ZNF347: variants seen among roughly 807,000 people sequenced by gnomAD.
ZNF347 encodes CTD-2620I22.7.
In ZNF347, 19 loss-of-function variants were observed where a neutral mutation model predicts 12.9. The ratio of observed to expected loss-of-function variants is 1.47; its 90% CI spans 1.03 to 2.16. ZNF347 has a LOEUF of 2.16. Ranked by LOEUF, ZNF347 falls within the 30% of genes most tolerant of loss-of-function variation. ZNF347 has a pLI of 0.00. For synonymous variants in ZNF347, 328 were observed against 340.6 expected (o/e 0.96, Z 0.41); for missense variants, 1,005 against 990.6 (o/e 1.01, Z -0.19).
In ZNF347 at chr19:53,148,820, A is replaced by C; in HGVS notation, c.143-11T>G. The stretch of plus-strand genomic sequence containing the variant: ...CAAAACAAGAGATTCCTGCTTATGA[A>C]AAGAAAGGAAAACAATGGGCTGTAG... On this transcript the variant is annotated splice_polypyrimidine_tract_variant and intron_variant, in intron 3 of 4. Coordinates refer to ENST00000334197, the MANE Select transcript of ZNF347 (RefSeq NM_032584.3). The C allele has an allele frequency of 1.2e-6, 2 of 1,612,128 alleles. No individual in the cohort carries two copies. The highest frequency in any genetic ancestry group is 8.5e-7 in the Non-Finnish European group (1 of 1,179,100).
rs1308777740 is a variant in ZNF347 at position 53,139,086 on chromosome 19, C to G, written c.*1222G>C. ...TGGCAACCATTTCCCCTGCACTATT[C>G]CCATCACATAATCAGTCACTAATAA... On this transcript the variant is annotated 3_prime_UTR_variant, in exon 5 of 5. Coordinates refer to ENST00000334197, the MANE Select transcript of ZNF347 (RefSeq NM_032584.3). The G allele has an allele frequency of 1.3e-5, 2 of 152,138 alleles. No individual in the cohort carries two copies. Among genetic ancestry groups the G allele is most frequent in the Non-Finnish European group, 2.9e-5 (2 of 68,018 alleles). The allele number at this position is 152,138 out of a possible 1,614,324, so 9.4% of individuals were successfully genotyped here.
At chr19:53,149,397 A>C (rs1165467902) in intron 2 of ZNF347, 30 bp from the exon 3 acceptor site, 1 of 1,612,370 alleles carries the variant, frequency 6.2e-7, no homozygotes, top group South Asian at 1.1e-5. Flanking sequence ...CACCAGGGGG[A>C]TATAAGGAAA....
At chr19:53,152,092 C>CAAAAAAAAAAAAAAAAA (rs1186310928) in intron 2 of ZNF347, among the ~76,000 whole-genome samples, 1 of 89,840 alleles carries the variant, frequency 1.1e-5, no homozygotes, top group Non-Finnish European at 2.1e-5. Context: ...GACTCTGTCT[C>CAAAAAAAAAAAAAAAAA]AAAAAAAAAA....
In ZNF347 at chr19:53,141,966, G is replaced by T. The variant is rs150545433; in HGVS notation, c.862C>A (p.Pro288Thr). 2.5e-5 allele frequency: 40 copies of T among 1,614,054 alleles called. No homozygotes were observed. The African/African-American group carries it at 5.1e-4, about 20-fold the overall frequency. Residue 288 changes from proline to threonine, a missense_variant, in exon 5 of 5, where the codon CCT becomes ACT. Transcript: ENST00000334197. ...TTGCCACACTCATAACATTTGTAAGGTTTCTCTTTAGTATGACTTCTCTGA... is the reference window on the plus strand; with the variant it reads ...TTGCCACACTCATAACATTTGTAAGTTTTCTCTTTAGTATGACTTCTCTGA... ...SHQRSHTKEK[P>T]YKCYECGKAF...
At position 53,138,820 on chromosome 19, in the gene ZNF347, GA is replaced by G. The variant is rs201707314; in HGVS notation, c.*1487del. On this transcript the variant is annotated 3_prime_UTR_variant, in exon 5 of 5. Coordinates refer to ENST00000334197, the MANE Select transcript of ZNF347 (RefSeq NM_032584.3). ...TTGTTTATAGTTATAAGAAAACGTT[GA>G]ATTTTTTTTAGCAAAACATTATGTC... is the stretch of plus-strand genomic sequence containing the variant. 6.6e-6 allele frequency: 1 copy of G among 152,088 alleles called. No individual in the cohort carries two copies. Among genetic ancestry groups the G allele is most frequent in the African/African-American group, 2.4e-5 (1 of 41,492 alleles). The allele number at this position is 152,088 out of a possible 1,614,324, so 9.4% of individuals were successfully genotyped here. A position where few individuals can be genotyped will look rare whatever the true frequency, so the allele number is the denominator to read the frequency against.
chr19:53,135,210 T>C lies in ZNF347; in HGVS notation c.*5098A>G, dbSNP rs2146790970. The stretch of plus-strand genomic sequence containing the variant: ...ATGCTGAGATCTGAGATTTGATGGA[T>C]GGTGATGTTGGAAATCTTTTTATGT... On this transcript the variant is annotated 3_prime_UTR_variant, in exon 5 of 5. Transcript: ENST00000334197. The C allele has an allele frequency of 6.6e-6, 1 of 151,708 alleles. No individual in the cohort carries two copies. The highest frequency in any genetic ancestry group is 2.4e-5 in the African/African-American group (1 of 41,312). The allele number at this position is 151,708 out of a possible 1,614,324, so 9.4% of individuals were successfully genotyped here.
intron 1 of ZNF347, among the ~76,000 whole-genome samples, chr19:53,155,691 T>C (rs762214253): frequency 2.0e-5 from 3 of 151,940 alleles, no homozygotes; most frequent in Admixed American, 6.6e-5. Context: ...TGAATTCCCT[T>C]GAAGTTAAAA....
Position 53,142,082 on chromosome 19 carries a change from G to A in ZNF347, c.746C>T (p.Thr249Ile). 1 of 1,612,710 alleles carries A rather than the reference G, an allele frequency of 6.2e-7. No homozygotes were observed. Among genetic ancestry groups the A allele is most frequent in the Non-Finnish European group, 8.5e-7 (1 of 1,179,656 alleles). The change falls in exon 5 of 5, where the codon ACA becomes ATA. Residue 249 changes from threonine to isoleucine, a missense_variant. Thr to Ile is a moderately conservative substitution (Grantham distance 89, BLOSUM62 -1). Transcript: ENST00000334197. ...CCAATTATTTGCTTTTTGCCCCTGT[G>A]TGAGTAATAAAGAAGAGATAAAATC... ...LKDFISSLLL[T>I]QGQKANNWGS...
intron 4 of ZNF347, among the ~76,000 whole-genome samples, chr19:53,147,833 T>A (rs2090473075): frequency 6.6e-6 from 1 of 152,180 alleles, no homozygotes; most frequent in Non-Finnish European, 1.5e-5. Flanking sequence ...GTGGGATCTA[T>A]TCCAGGAATG....
intron 3 of ZNF347, 192 bp downstream of exon 3, chr19:53,149,049 G>T: frequency 8.0e-7 from 1 of 1,248,346 alleles, no homozygotes; most frequent in Non-Finnish European, 1.1e-6. Flanking sequence ...TATTTTAAAA[G>T]TCCTGAAACC....
In ZNF347 at chr19:53,141,445, T is replaced by C. The variant is rs1410716210; in HGVS notation, c.1383A>G (p.Glu461=). The change falls in exon 5 of 5, where the codon GAA becomes GAG. Residue 461 remains glutamate, a synonymous_variant. Coordinates refer to ENST00000334197, the MANE Select transcript of ZNF347 (RefSeq NM_032584.3). The part of the protein sequence containing the change: ...HTGEKPYKCH[E]CGKVFRRNSH... ...AATTACGCCTAAAGACCTTGCCGCA[T>C]TCATGACATTTGTAAGGCTTTTCTC... is the stretch of plus-strand genomic sequence containing the variant. 6.2e-7 allele frequency: 1 copy of C among 1,613,714 alleles called. No individual in the cohort carries two copies. Among genetic ancestry groups the C allele is most frequent in the Non-Finnish European group, 8.5e-7 (1 of 1,179,936 alleles).
At position 53,135,329 on chromosome 19, in the gene ZNF347, T is replaced by C. The variant is rs867098793; in HGVS notation, c.*4979A>G. ...ATATATATATATATATATATATATA[T>C]ATATATATATAGAGAGAGAGAGAGA... On this transcript the variant is annotated 3_prime_UTR_variant, in exon 5 of 5. Coordinates refer to ENST00000334197, the MANE Select transcript of ZNF347 (RefSeq NM_032584.3). The C allele has an allele frequency of 8.4e-5, 4 of 47,558 alleles. No homozygotes were observed. The highest frequency in any genetic ancestry group is 1.7e-4 in the Non-Finnish European group (4 of 23,486). 2.9% of individuals were successfully genotyped at this position (47,558 alleles called of 1,614,324 possible).
At chr19:53,146,116 C>A (rs1272754182) in intron 4 of ZNF347, among the ~76,000 whole-genome samples, 2 of 151,958 alleles carry the variant, frequency 1.3e-5, no homozygotes, top group Admixed American at 1.3e-4. Context: ...GCTGGGATTA[C>A]AGGCATGTGC....
In ZNF347 at chr19:53,153,723, ATTACC is replaced by A; in HGVS notation, c.15+5_15+9del. ...AGAGACAGAACAATCCACTGATAAT[ATTACC>A]TTACCTGGGTGAGAGCCATGCCTGA... On this transcript the variant is annotated splice_donor_5th_base_variant and intron_variant, in intron 2 of 4. Transcript: ENST00000334197. 6.2e-7 allele frequency: 1 copy of A among 1,613,600 alleles called. No homozygotes were observed. Among genetic ancestry groups the A allele is most frequent in the African/African-American group, 1.3e-5 (1 of 75,032 alleles).
intron 4 of ZNF347, 26 bp downstream of exon 4, chr19:53,148,655 T>C: frequency 6.3e-7 from 1 of 1,596,694 alleles, no homozygotes. Context: ...ATAAACGGCA[T>C]TTTCTCTACC....
Position 53,148,772 on chromosome 19 carries a change from C to A in ZNF347, c.180G>T (p.Leu60Phe), listed in dbSNP as rs1420512719. ...SCFDLSIISMLEQGKEPFTLE... is the reference protein window; with the variant it reads ...SCFDLSIISMFEQGKEPFTLE... ...AAGTGAAAGGCTCCTTCCCTTGCTC[C>A]AACATAGAGATAATACTGAGGTCAA... is the stretch of plus-strand genomic sequence containing the variant. The change falls in exon 4 of 5, where the codon TTG becomes TTT. Residue 60 changes from leucine (L) to phenylalanine (F), a missense_variant. Coordinates refer to ENST00000334197, the MANE Select transcript of ZNF347 (RefSeq NM_032584.3). 6.2e-7 allele frequency: 1 copy of A among 1,613,894 alleles called. No homozygotes were observed. Among genetic ancestry groups the A allele is most frequent in the Non-Finnish European group, 8.5e-7 (1 of 1,179,940 alleles).
In ZNF347 at chr19:53,140,068, T is replaced by C; in HGVS notation, c.*240A>G. 7.0e-6 allele frequency: 3 copies of C among 429,348 alleles called. No individual in the cohort carries two copies. The allele number at this position is 429,348 out of a possible 1,614,324, so 26.6% of individuals were successfully genotyped here. On this transcript the variant is annotated 3_prime_UTR_variant, in exon 5 of 5. Coordinates refer to ENST00000334197, the MANE Select transcript of ZNF347 (RefSeq NM_032584.3). ...GGCGCACGCCACCAGGCCTAGCTAA[T>C]TGTGTACTTTTAGTAGAAATGGGGT...
intron 2 of ZNF347, among the ~76,000 whole-genome samples, chr19:53,150,325 G>T (rs189709460): frequency 6.6e-6 from 1 of 152,300 alleles, no homozygotes; most frequent in African/African-American, 2.4e-5. Context: ...TTTCCGTTGT[G>T]AGAGTACAGT....
At chr19:53,154,055 C>T (rs1259732825) in intron 1 of ZNF347, among the ~76,000 whole-genome samples, 2 of 152,150 alleles carry the variant, frequency 1.3e-5, no homozygotes, top group Non-Finnish European at 2.9e-5. Context: ...CCCACACACA[C>T]GCTGCAGCAA....
Sources: gnomAD v4.1 joint callset for allele counts (sites outside exome capture counted in the v4.1 genomes callset) on GRCh38, gnomAD v4.1.1 for gene constraint, MANE v1.5 for transcripts, NCBI Gene and HGNC (gene_info 2026-07-23, HGNC 2026-07-21) for gene names.